Variants in ALDH1L2 observed in about 807,000 individuals in gnomAD.
The protein encoded by ALDH1L2 is aldehyde dehydrogenase 1 family member L2.
Under a neutral mutation model 111.0 loss-of-function variants are expected in ALDH1L2, and 91 were observed. The observed-to-expected ratio is 0.82, with a 90% CI of 0.69 to 0.98. ALDH1L2 has a LOEUF of 0.98. Ranked by LOEUF, ALDH1L2 falls within the 50% of genes least tolerant of loss-of-function variation. The pLI is 0.00. For missense variants in ALDH1L2, 995 were observed against 1,126.8 expected (o/e 0.88, Z 1.67); for synonymous variants, 374 against 392.6 (o/e 0.95, Z 0.56).
chr12:105,050,109 G>A (rs753438268), intron 12 of ALDH1L2, 51 bp from the exon 13 acceptor site: 17 of 1,487,818 alleles, frequency 1.1e-5, no homozygotes, highest in Non-Finnish European at 1.8e-6. Context: ...TTGAGCTCCT[G>A]TCACATATAA....
rs746926592 is a variant in ALDH1L2, at chr12:105,061,732, C to A, written c.942G>T (p.Gln314His). 1.2e-6 allele frequency: 2 copies of A among 1,614,150 alleles called. No individual in the cohort carries two copies. The highest frequency in any genetic ancestry group is 4.5e-5 in the East Asian group (2 of 44,882). Reference sequence around the variant, plus strand: ...CAGGGATCATTTTTCCATCTTCAAACTGCAGATTTCTCACCGTCAGCTACA... The same window carrying A: ...CAGGGATCATTTTTCCATCTTCAAAATGCAGATTTCTCACCGTCAGCTACA... ...DGKALTVRNL[Q>H]FEDGKMIPAS... Residue 314 changes from glutamine to histidine, a missense_variant, in exon 8 of 23, where the codon CAG becomes CAT. By Grantham distance (24) the Gln-to-His change is conservative (BLOSUM62 0). Coordinates refer to ENST00000258494, the MANE Select transcript of ALDH1L2 (RefSeq NM_001034173.4).
At chr12:105,024,650 T>G (rs1440623880) in intron 22 of ALDH1L2, among the ~76,000 whole-genome samples, 171 bp from the exon 23 acceptor site, 1 of 152,234 alleles carries the variant, frequency 6.6e-6, no homozygotes, top group Non-Finnish European at 1.5e-5. Flanking sequence ...GAAGACTCTG[T>G]TAAGTTGCAG....
At chr12:105,038,345 C>A in intron 17 of ALDH1L2, 143 bp from the exon 18 acceptor site, 1 of 610,514 alleles carries the variant, frequency 1.6e-6, no homozygotes, top group Non-Finnish European at 2.8e-6. Flanking sequence ...TAAGTTACCA[C>A]CTGGCATGGA....
intron 11 of ALDH1L2, 100 bp from the exon 12 acceptor site, chr12:105,052,317 TTA>T (rs1876338392): frequency 2.5e-6 from 3 of 1,201,928 alleles, no homozygotes; most frequent in Non-Finnish European, 2.2e-6. Flanking sequence ...ATTACTGATT[TTA>T]AAAAAAGTTA....
chr12:105,061,803 A>G, intron 7 of ALDH1L2, 51 bp from the exon 8 acceptor site: 2 of 1,609,480 alleles, frequency 1.2e-6, no homozygotes. Flanking sequence ...GAGACAATAC[A>G]AAAGTGAGGC....
intron 15 of ALDH1L2, among the ~76,000 whole-genome samples, chr12:105,045,639 A>G (rs1018273882): frequency 6.6e-6 from 1 of 152,260 alleles, no homozygotes; most frequent in Admixed American, 6.5e-5. Context: ...ACATTTCACT[A>G]TCTACCTCTT....
rs755161813 is a variant in ALDH1L2, at chr12:105,058,094, C to A, written c.1266G>T (p.Glu422Asp). 6.2e-7 allele frequency: 1 copy of A among 1,612,918 alleles called. No individual in the cohort carries two copies. The highest frequency in any genetic ancestry group is 1.3e-5 in the African/African-American group (1 of 74,892). Residue 422 changes from glutamate to aspartate, a missense_variant, in exon 10 of 23, where the codon GAG becomes GAT. Glu to Asp is a conservative substitution (Grantham distance 45). Transcript: ENST00000258494. ...TTACATAATCTACAACCAGCTCCAC[C>A]TCTTGATCTTCTCCTCTCAGTTTCC... The part of the protein sequence containing the change: ...VVRKLRGEDQ[E>D]VELVVDYISK...
chr12:105,032,053 A>G, intron 19 of ALDH1L2, 119 bp from the exon 20 acceptor site: 1 of 1,028,070 alleles, frequency 9.7e-7, no homozygotes, highest in Admixed American at 2.6e-5. Context: ...TCTTTACAAT[A>G]GCACCGGAGG....
At chr12:105,040,125 CAAAAAAAAAAAAAAAA>C (rs11284250) in intron 16 of ALDH1L2, among the ~76,000 whole-genome samples, 1 of 59,098 alleles carries the variant, frequency 1.7e-5, no homozygotes, top group Admixed American at 2.5e-4. Context: ...GACTCCGTCT[CAAAAAAAAAAAAAAAA>C]AAAAAAAAAA....
At chr12:105,057,934 G>T in intron 10 of ALDH1L2, 139 bp downstream of exon 10, 1 of 1,034,418 alleles carries the variant, frequency 9.7e-7, no homozygotes, top group Non-Finnish European at 1.3e-6. Context: ...GGAATTTTAT[G>T]CCATCTGAAT....
At position 105,061,631 on chromosome 12, in the gene ALDH1L2, A is replaced by C; in HGVS notation, c.1043T>G (p.Ile348Ser). 6.2e-7 allele frequency: 1 copy of C among 1,614,112 alleles called. No individual in the cohort carries two copies. ...TAEEVKVAETIKVIWAGILSN... is the reference protein window; with the variant it reads ...TAEEVKVAETSKVIWAGILSN... The stretch of plus-strand genomic sequence containing the variant: ...TTTAAGTCATCATGTGTTCACCTTG[A>C]TGGTCTCTGCCACTTTCACCTCTTC... The change falls in exon 8 of 23, where the codon ATC (isoleucine) becomes AGC (serine). Residue 348 changes from isoleucine to serine, a missense_variant. By Grantham distance (142) the Ile-to-Ser change is moderately radical. Transcript: ENST00000258494.
chr12:105,020,014 ACTTTCCT>A lies in ALDH1L2; in HGVS notation c.*4403_*4409del, dbSNP rs1874083561. On this transcript the variant is annotated 3_prime_UTR_variant, in exon 23 of 23. Coordinates refer to ENST00000258494, the MANE Select transcript of ALDH1L2 (RefSeq NM_001034173.4). ...AACAAATTATGGTTGAGTCAGTCTTACTTTCCTATTTTATAAATGTTTTTTACATCAT... is the reference window on the plus strand; with the variant it reads ...AACAAATTATGGTTGAGTCAGTCTTAATTTTATAAATGTTTTTTACATCAT... The A allele has an allele frequency of 2.0e-5, 3 of 152,184 alleles. No individual in the cohort carries two copies. The highest frequency in any genetic ancestry group is 2.0e-4 in the Admixed American group (3 of 15,282). 9.4% of individuals were successfully genotyped at this position (152,184 alleles called of 1,614,324 possible).
At chr12:105,080,658 G>A (rs985895807) in intron 1 of ALDH1L2, among the ~76,000 whole-genome samples, 6 of 152,054 alleles carry the variant, frequency 3.9e-5, no homozygotes, top group African/African-American at 1.4e-4. Flanking sequence ...TTCAGATTTC[G>A]GATATTTTCA....
At chr12:105,043,870 A>T (rs1875682753) in intron 15 of ALDH1L2, among the ~76,000 whole-genome samples, 1 of 152,184 alleles carries the variant, frequency 6.6e-6, no homozygotes, top group African/African-American at 2.4e-5. Context: ...TCACACCTGG[A>T]CCAGACCACA....
intron 1 of ALDH1L2, among the ~76,000 whole-genome samples, chr12:105,083,956 G>C (rs1388887007): frequency 6.6e-6 from 1 of 151,984 alleles, no homozygotes; most frequent in African/African-American, 2.4e-5. Context: ...GGCCGCCAAC[G>C]AGGACCCTAT....
chr12:105,060,202 GA>G (rs1458139938), intron 9 of ALDH1L2, among the ~76,000 whole-genome samples: 4 of 151,322 alleles, frequency 2.6e-5, no homozygotes, highest in Non-Finnish European at 4.4e-5. Context: ...AGATTTGGGG[GA>G]AAGCATAATT....
chr12:105,024,244 A>G lies in ALDH1L2; in HGVS notation c.*180T>C, dbSNP rs1453558120. 3.1e-6 allele frequency: 2 copies of G among 635,934 alleles called. No individual in the cohort carries two copies. Among genetic ancestry groups the G allele is most frequent in the Non-Finnish European group, 5.6e-6 (2 of 358,666 alleles). The allele number at this position is 635,934 out of a possible 1,614,324, so 39.4% of individuals were successfully genotyped here. ...ACAACTCCAAATCACTGGAAGGTGT[A>G]TTAGAAAATACTCAGGCACATGTGT... On this transcript the variant is annotated 3_prime_UTR_variant, in exon 23 of 23. Transcript: ENST00000258494.
intron 15 of ALDH1L2, among the ~76,000 whole-genome samples, chr12:105,043,949 G>A (rs1293736087): frequency 6.6e-6 from 1 of 152,164 alleles, no homozygotes; most frequent in Non-Finnish European, 1.5e-5. Flanking sequence ...ATATAACAAA[G>A]CAGACAACAG....
Position 105,065,313 on chromosome 12 carries a change from C to G in ALDH1L2, c.740G>C (p.Arg247Pro), listed in dbSNP as rs374756865. The change falls in exon 6 of 23, where the codon CGA (arginine) becomes CCA (proline). Residue 247 changes from arginine to proline, a missense_variant. Physicochemically the swap from Arg to Pro is moderately radical, Grantham distance 103. Coordinates refer to ENST00000258494, the MANE Select transcript of ALDH1L2 (RefSeq NM_001034173.4). ...AGCTCCAGGGACTTTATCATGACCT[C>G]GAATCCAGTTATGTAAAACTTCGGC... ...QSAEVLHNWI[R>P]GHDKVPGAWT... is the part of the protein sequence containing the mutation. The G allele has an allele frequency of 2.5e-6, 4 of 1,611,274 alleles. No homozygotes were observed. Among genetic ancestry groups the G allele is most frequent in the Non-Finnish European group, 3.4e-6 (4 of 1,178,174 alleles).
Sources: gnomAD v4.1 joint callset for allele counts (sites outside exome capture counted in the v4.1 genomes callset) on GRCh38, gnomAD v4.1.1 for gene constraint, MANE v1.5 for transcripts, NCBI Gene and HGNC (gene_info 2026-07-23, HGNC 2026-07-21) for gene names.